The following SLC9A9 variants were observed in gnomAD, a reference collection of about 807,000 sequenced individuals.
The protein encoded by SLC9A9 is sodium/hydrogen exchanger 9.
In SLC9A9, 62 loss-of-function variants were observed where a neutral mutation model predicts 77.8. The ratio of observed to expected loss-of-function variants is 0.80; its 90% CI spans 0.65 to 0.98. The LOEUF (loss-of-function observed/expected upper bound fraction) is 0.98, where lower values mean the gene tolerates loss of function less well. Among genes scored for constraint, SLC9A9 ranks in the 50% least tolerant of loss-of-function variants. The pLI, the probability that SLC9A9 is intolerant of heterozygous loss-of-function variation, is 0.00. For missense variants in SLC9A9, 775 were observed against 774.9 expected (o/e 1.00, Z 0.00); for synonymous variants, 320 against 283.5 (o/e 1.13, Z -1.29).
At chr3:143,546,887 G>A (rs921844256) in intron 9 of SLC9A9, among the ~76,000 whole-genome samples, 14 of 152,202 alleles carry the variant, frequency 9.2e-5, no homozygotes, top group African/African-American at 3.1e-4. Flanking sequence ...GCAAAACTCC[G>A]TTGAAGGACT....
At chr3:143,585,683 G>A (rs2037528841) in intron 6 of SLC9A9, among the ~76,000 whole-genome samples, 1 of 152,176 alleles carries the variant, frequency 6.6e-6, no homozygotes, top group South Asian at 2.1e-4. Context: ...TCCTTAATCT[G>A]GGGTTCCCCT....
At chr3:143,612,047 T>C (rs1038873496) in intron 6 of SLC9A9, among the ~76,000 whole-genome samples, 1 of 152,172 alleles carries the variant, frequency 6.6e-6, no homozygotes, top group African/African-American at 2.4e-5. Flanking sequence ...AGTTAAAGCC[T>C]TGGGTCAGTC....
intron 4 of SLC9A9, among the ~76,000 whole-genome samples, chr3:143,738,231 T>C (rs1162716907): frequency 6.6e-6 from 1 of 152,192 alleles, no homozygotes; most frequent in Non-Finnish European, 1.5e-5. Flanking sequence ...ACTCTTACAA[T>C]GGCCTCTGAA....
At chr3:143,711,374 A>C (rs1436631038) in intron 4 of SLC9A9, among the ~76,000 whole-genome samples, 3 of 152,050 alleles carry the variant, frequency 2.0e-5, no homozygotes, top group African/African-American at 7.2e-5. Context: ...AAAATGCTTT[A>C]AAGAACAATA....
rs747156181 is a variant in SLC9A9 at position 143,574,070 on chromosome 3, G to T, written c.1000+18C>A. The T allele has an allele frequency of 2.2e-5, 35 of 1,606,270 alleles. No individual in the cohort carries two copies. Among genetic ancestry groups the T allele is most frequent in the Non-Finnish European group, 3.0e-5 (35 of 1,173,524 alleles). ...CATATTCACACATCCAGTTGGCTGT[G>T]CAGCATGAAGCACTGACCTGTTAGG... On this transcript the variant is annotated intron_variant, in intron 8 of 15. Coordinates refer to ENST00000316549, the MANE Select transcript of SLC9A9 (RefSeq NM_173653.4).
At chr3:143,557,225 G>T (rs2037000914) in intron 8 of SLC9A9, among the ~76,000 whole-genome samples, 1 of 152,140 alleles carries the variant, frequency 6.6e-6, no homozygotes, top group Admixed American at 6.5e-5. Context: ...ACCCTGTGAA[G>T]ATGTGCCTTC....
intron 14 of SLC9A9, among the ~76,000 whole-genome samples, chr3:143,277,734 G>A (rs1202031192): frequency 2.6e-5 from 4 of 152,196 alleles, no homozygotes; most frequent in Admixed American, 6.5e-5. Flanking sequence ...TCTGGTTAGA[G>A]GAAGTGCCAC....
intron 5 of SLC9A9, among the ~76,000 whole-genome samples, chr3:143,660,284 G>C (rs905042005): frequency 2.6e-5 from 4 of 152,206 alleles, no homozygotes; most frequent in Non-Finnish European, 5.9e-5. Flanking sequence ...GAAAGGGAAA[G>C]TTGGGAAGAT....
chr3:143,823,700 G>T (rs1452063777), intron 2 of SLC9A9, among the ~76,000 whole-genome samples: 2 of 151,250 alleles, frequency 1.3e-5, no homozygotes, highest in Admixed American at 1.3e-4. Flanking sequence ...CATTAAAAAA[G>T]ATTTCAGAAA....
At chr3:143,473,430 G>T (rs902461839) in intron 11 of SLC9A9, among the ~76,000 whole-genome samples, 5 of 152,032 alleles carry the variant, frequency 3.3e-5, no homozygotes, top group Admixed American at 6.5e-5. Context: ...AGCAAGGCAG[G>T]TTTCTCTCCT....
At chr3:143,343,498 T>TA (rs1331879443) in intron 14 of SLC9A9, 3 of 152,182 alleles carry the variant, frequency 2.0e-5, no homozygotes, top group Non-Finnish European at 4.4e-5. Context: ...CATGGTTTCC[T>TA]AATGTGGTCT....
chr3:143,410,729 C>CT (rs1171785634), intron 12 of SLC9A9, among the ~76,000 whole-genome samples: 2 of 152,132 alleles, frequency 1.3e-5, no homozygotes, highest in South Asian at 2.1e-4. Context: ...TATTTTCAGT[C>CT]TTTTTTTACT....
intron 6 of SLC9A9, among the ~76,000 whole-genome samples, chr3:143,590,523 A>C (rs1000549805): frequency 2.6e-5 from 4 of 152,228 alleles, no homozygotes; most frequent in African/African-American, 9.6e-5. Flanking sequence ...TATTGAATTC[A>C]TCTTTTTCTT....
intron 5 of SLC9A9, among the ~76,000 whole-genome samples, chr3:143,688,851 A>G (rs1170887866): frequency 5.9e-5 from 9 of 152,118 alleles, no homozygotes; most frequent in Non-Finnish European, 5.9e-5. Flanking sequence ...CAGACAAAAG[A>G]TTCATATTCC....
chr3:143,285,469 A>G (rs1938357138), intron 14 of SLC9A9, among the ~76,000 whole-genome samples: 1 of 152,130 alleles, frequency 6.6e-6, no homozygotes, highest in South Asian at 2.1e-4. Flanking sequence ...CTACATAAGT[A>G]TGAAGTGGTG....
intron 12 of SLC9A9, among the ~76,000 whole-genome samples, chr3:143,426,485 T>C (rs1457083321): frequency 6.6e-6 from 1 of 152,244 alleles, no homozygotes; most frequent in Non-Finnish European, 1.5e-5. Context: ...AGTTTATTGA[T>C]TCTCCATTTC....
chr3:143,411,390 C>T (rs1487810592), intron 12 of SLC9A9, among the ~76,000 whole-genome samples: 1 of 152,192 alleles, frequency 6.6e-6, no homozygotes, highest in Non-Finnish European at 1.5e-5. Context: ...CTTCCACCTG[C>T]TACTTCATAT....
At chr3:143,364,417 G>C (rs1158945073) in intron 13 of SLC9A9, among the ~76,000 whole-genome samples, 1 of 152,052 alleles carries the variant, frequency 6.6e-6, no homozygotes, top group Non-Finnish European at 1.5e-5. Flanking sequence ...GCTATGTCTG[G>C]ACCCCCAGTT....
chr3:143,668,616 G>C (rs2039110255), intron 5 of SLC9A9, among the ~76,000 whole-genome samples: 1 of 152,126 alleles, frequency 6.6e-6, no homozygotes, highest in Admixed American at 6.5e-5. Flanking sequence ...GTATTAGTTT[G>C]TTCATCTGCG....
Sources: gnomAD v4.1 joint callset for allele counts (sites outside exome capture counted in the v4.1 genomes callset) on GRCh38, gnomAD v4.1.1 for gene constraint, MANE v1.5 for transcripts, NCBI Gene and HGNC (gene_info 2026-07-23, HGNC 2026-07-21) for gene names.